The following CA8 variants were observed in gnomAD, a reference collection of about 807,000 sequenced individuals.
CA8 encodes the protein carbonic anhydrase 8 (inactive).
In CA8, 22 loss-of-function variants were observed where a neutral mutation model predicts 41.4. The ratio of observed to expected loss-of-function variants is 0.53; its 90% CI spans 0.38 to 0.76. CA8 has a LOEUF of 0.76. Among genes scored for constraint, CA8 ranks in the 30% least tolerant of loss-of-function variants. The probability of loss-of-function intolerance (pLI) is 0.00; values close to 1 mark genes in which losing one functional copy is unlikely to be tolerated. For synonymous variants in CA8, 121 were observed against 130.6 expected (o/e 0.93, Z 0.50); for missense variants, 270 against 352.8 (o/e 0.77, Z 1.88).
chr8:60,190,745 AG>A (rs1162569525), intron 8 of CA8, among the ~76,000 whole-genome samples: 1 of 150,520 alleles, frequency 6.6e-6, no homozygotes, highest in Non-Finnish European at 1.5e-5. Context: ...TCTATGTGTA[AG>A]GATATTCACT....
intron 4 of CA8, among the ~76,000 whole-genome samples, chr8:60,231,886 T>C (rs538116369): frequency 7.4e-4 from 112 of 152,328 alleles, no homozygotes; most frequent in Admixed American, 1.1e-3. Flanking sequence ...GTGAAAATTG[T>C]TAATAAAGAA....
Position 60,281,101 on chromosome 8 carries a change from T to C in CA8, c.47A>G (p.Lys16Arg). ...CTCTTCTTCCTCCTCATCCTCTTCC[T>C]TCTCGGGGAAGGCGACGGTATCTTC... The part of the protein sequence containing the change: ...FIEDTVAFPE[K>R]EEDEEEEEEG... Residue 16 changes from lysine (K) to arginine (R), a missense_variant, in exon 1 of 9, where the codon AAG becomes AGG. Physicochemically the swap from Lys to Arg is conservative, Grantham distance 26. Around this residue, in one of 3 missense-constraint regions of CA8, gnomAD observed 123 missense variants for 136.8 expected, o/e 0.90. Coordinates refer to ENST00000317995, the MANE Select transcript of CA8 (RefSeq NM_004056.6). 1 of 1,607,084 alleles carries C rather than the reference T, an allele frequency of 6.2e-7. No individual in the cohort carries two copies. Among genetic ancestry groups the C allele is most frequent in the Admixed American group, 1.7e-5 (1 of 59,692 alleles).
At chr8:60,244,105 T>C (rs1458132065) in intron 3 of CA8, among the ~76,000 whole-genome samples, 3 of 152,190 alleles carry the variant, frequency 2.0e-5, no homozygotes, top group Non-Finnish European at 4.4e-5. Context: ...CCACCTCTGG[T>C]GATGGAACCC....
intron 2 of CA8, among the ~76,000 whole-genome samples, chr8:60,274,108 G>A (rs917733184): frequency 5.3e-5 from 8 of 152,134 alleles, no homozygotes; most frequent in African/African-American, 1.7e-4. Flanking sequence ...CACAGTGGTG[G>A]TGTGAAGTCA....
At chr8:60,199,865 T>C (rs1294912436) in intron 8 of CA8, among the ~76,000 whole-genome samples, 1 of 152,176 alleles carries the variant, frequency 6.6e-6, no homozygotes, top group Non-Finnish European at 1.5e-5. Context: ...CTCAAAGACC[T>C]TTAGTTAAAA....
At chr8:60,269,101 G>A (rs1803988204) in intron 2 of CA8, among the ~76,000 whole-genome samples, 1 of 152,138 alleles carries the variant, frequency 6.6e-6, no homozygotes, top group African/African-American at 2.4e-5. Flanking sequence ...AGAGTTTTAC[G>A]AGGTGCCAGG....
At position 60,208,960 on chromosome 8, in the gene CA8, G is replaced by A. The variant is rs201962782; in HGVS notation, c.739-41C>T. 4,220 of 1,598,544 alleles carry A rather than the reference G, an allele frequency of 2.6e-3. 6 individuals are homozygous for A. The highest frequency in any genetic ancestry group is 3.2e-3 in the Non-Finnish European group (3,777 of 1,166,496). ...GAAGAAAATAGATTAATCAATTATC[G>A]GACATTAACAAGATTGGAGTTTCAT... On this transcript the variant is annotated intron_variant, in intron 7 of 8. Transcript: ENST00000317995.
intron 7 of CA8, among the ~76,000 whole-genome samples, chr8:60,211,900 A>G (rs1806849013): frequency 6.6e-6 from 1 of 152,246 alleles, no homozygotes; most frequent in South Asian, 2.1e-4. Context: ...TGAACAGAAT[A>G]ATAGAATAAT....
chr8:60,275,202 C>T (rs1804192622), intron 2 of CA8, among the ~76,000 whole-genome samples: 1 of 152,158 alleles, frequency 6.6e-6, no homozygotes, highest in Non-Finnish European at 1.5e-5. Flanking sequence ...GATCATGGTA[C>T]TGTGAAGCCC....
intron 7 of CA8, among the ~76,000 whole-genome samples, chr8:60,210,417 T>C (rs545341181): frequency 1.6e-4 from 24 of 152,298 alleles, no homozygotes; most frequent in Admixed American, 1.2e-3. Context: ...GAGACACCTA[T>C]AGAGACTTTA....
At chr8:60,261,612 G>C (rs574809006) in intron 3 of CA8, among the ~76,000 whole-genome samples, 9 of 152,238 alleles carry the variant, frequency 5.9e-5, no homozygotes, top group African/African-American at 2.2e-4. Context: ...ATGAGTCCAT[G>C]CCTTATTTTG....
intron 3 of CA8, among the ~76,000 whole-genome samples, chr8:60,261,252 T>A (rs1018634287): frequency 6.6e-6 from 1 of 152,088 alleles, no homozygotes; most frequent in Non-Finnish European, 1.5e-5. Context: ...GTACAATGAA[T>A]TTTTTTTCTA....
intron 4 of CA8, among the ~76,000 whole-genome samples, chr8:60,231,730 C>T (rs1012484288): frequency 1.3e-5 from 2 of 152,142 alleles, no homozygotes; most frequent in Admixed American, 6.5e-5. Flanking sequence ...ACGTGGCCTG[C>T]TTTCATATGT....
intron 7 of CA8, among the ~76,000 whole-genome samples, chr8:60,213,190 C>T (rs774505980): frequency 2.6e-5 from 4 of 152,270 alleles, no homozygotes; most frequent in East Asian, 3.9e-4. Flanking sequence ...ACTCTTTAAT[C>T]GATCTTTTCA....
chr8:60,238,252 C>T (rs568321184), intron 3 of CA8, among the ~76,000 whole-genome samples: 22 of 152,204 alleles, frequency 1.4e-4, no homozygotes, highest in African/African-American at 3.9e-4. Context: ...GCTATCTTCA[C>T]GACAAATGAG....
Position 60,238,070 on chromosome 8 carries a change from T to C in CA8, c.418-5691A>G, listed in dbSNP as rs79328018. On this transcript the variant is annotated intron_variant, in intron 3 of 8. Transcript: ENST00000317995. ...AACTTCATATTCCCGCAACTGATTA[T>C]GCTGCCTTACCATTAGCACCTGTGA... Among the ~76,000 whole-genome samples the C allele has an allele frequency of 7.3e-3, 1,116 of 152,256 alleles. 36 individuals carry two copies. The highest frequency in any genetic ancestry group is 0.056 in the East Asian group (287 of 5,170).
At chr8:60,221,370 C>A (rs927410240) in intron 7 of CA8, among the ~76,000 whole-genome samples, 6 of 152,172 alleles carry the variant, frequency 3.9e-5, no homozygotes, top group Admixed American at 6.5e-5. Flanking sequence ...ATCTTGTTAT[C>A]TTCTGTGTCC....
chr8:60,280,967 G>GCGA (rs1804401187), intron 1 of CA8, 81 bp downstream of exon 1: 42 of 983,106 alleles, frequency 4.3e-5, no homozygotes, highest in Middle Eastern at 2.2e-4. Flanking sequence ...GCGCGCAGCG[G>GCGA]CAGCAGGACT....
At position 60,208,857 on chromosome 8, in the gene CA8, A is replaced by G. The variant is rs755875326; in HGVS notation, c.801T>C (p.Asp267=). The G allele has an allele frequency of 5.6e-6, 9 of 1,613,996 alleles. No individual in the cohort carries two copies. The change falls in exon 8 of 9, where the codon GAT becomes GAC. Residue 267 remains aspartate (D), a synonymous_variant. Coordinates refer to ENST00000317995, the MANE Select transcript of CA8 (RefSeq NM_004056.6). ...VKGAELVEGC[D]GILGDNFRPT... ...GCCGAAAGTTGTCTCCCAAAATCCC[A>G]TCACAGCCTTCCACAAGTTCTGCCC...
Sources: allele counts gnomAD v4.1 joint callset (sites outside exome capture counted in the v4.1 genomes callset), GRCh38; gene constraint gnomAD v4.1.1; regional missense constraint gnomAD v4.1.1; transcripts MANE v1.5; gene names NCBI Gene and HGNC (gene_info 2026-07-23, HGNC 2026-07-21).